The following CRISP2 variants were observed in gnomAD, a reference collection of about 807,000 sequenced individuals.
CRISP2 encodes the protein cysteine-rich secretory protein 2.
In CRISP2, 29 loss-of-function variants were observed where a neutral mutation model predicts 31.7. The ratio of observed to expected loss-of-function variants is 0.92; its 90% CI spans 0.68 to 1.25. The LOEUF is 1.25. Ranked by LOEUF, CRISP2 falls within the 50% of genes most tolerant of loss-of-function variation. CRISP2 has a pLI of 0.00. For missense variants in CRISP2, 318 were observed against 286.5 expected (o/e 1.11, Z -0.79); for synonymous variants, 111 against 101.4 (o/e 1.09, Z -0.57).
At chr6:49,690,318 G>A (rs374698787), downstream of CRISP2, among the ~76,000 whole-genome samples, 6 of 152,006 alleles carry the variant, frequency 3.9e-5, no homozygotes, top group East Asian at 1.9e-4. Context: ...GAGAAAGCAC[G>A]TTTTCATGAA....
At chr6:49,687,055 G>A in the CRISP2 span, among the ~76,000 whole-genome samples, 2 of 152,014 alleles carry the variant, frequency 1.3e-5, no homozygotes, top group African/African-American at 4.8e-5. Flanking sequence ...ATGGTTGTGG[G>A]ATGGGGGGAG....
At chr6:49,704,037 C>T (rs1766566685) in intron 4 of CRISP2, among the ~76,000 whole-genome samples, 3 of 152,140 alleles carry the variant, frequency 2.0e-5, no homozygotes, top group Admixed American at 2.0e-4. Flanking sequence ...TTCTTGGAGG[C>T]TTTGTTCATT....
chr6:49,684,516 C>T, the CRISP2 span, among the ~76,000 whole-genome samples: 3 of 152,120 alleles, frequency 2.0e-5, no homozygotes, highest in African/African-American at 7.2e-5. Flanking sequence ...AGCATGGCCC[C>T]TGGGATACAG....
chr6:49,707,205 C>T (rs1166991421), intron 4 of CRISP2, among the ~76,000 whole-genome samples: 2 of 151,998 alleles, frequency 1.3e-5, no homozygotes, highest in Admixed American at 6.6e-5. Context: ...GGTATCTATC[C>T]TTAAAGAGTT....
chr6:49,705,670 C>T (rs1766896538), intron 4 of CRISP2, among the ~76,000 whole-genome samples: 1 of 152,222 alleles, frequency 6.6e-6, no homozygotes, highest in African/African-American at 2.4e-5. Flanking sequence ...TCAGAAATGG[C>T]TTCCCTGGGC....
chr6:49,681,065 G>C, the CRISP2 span, among the ~76,000 whole-genome samples: 1 of 152,070 alleles, frequency 6.6e-6, no homozygotes, highest in African/African-American at 2.4e-5. Flanking sequence ...TGAAATCTTT[G>C]CCCATGCCTA....
downstream of CRISP2, among the ~76,000 whole-genome samples, chr6:49,687,532 T>A (rs1372487051): frequency 2.0e-5 from 3 of 152,176 alleles, no homozygotes; most frequent in Non-Finnish European, 4.4e-5. Flanking sequence ...TGAAATTCAG[T>A]GTTCTCGCAC....
chr6:49,713,751 A>C (rs900654316), upstream of CRISP2, among the ~76,000 whole-genome samples: 24 of 152,172 alleles, frequency 1.6e-4, no homozygotes, highest in Non-Finnish European at 7.3e-5. Context: ...GTTGATGAGG[A>C]AAGAAAATGT....
intron 1 of CRISP2, 121 bp downstream of exon 1, chr6:49,713,354 G>A (rs1243317516): frequency 6.6e-6 from 1 of 152,222 alleles, no homozygotes; most frequent in African/African-American, 2.4e-5. Context: ...GTGCCCTCCA[G>A]ATGCCGGAAG....
In CRISP2 at chr6:49,700,748, G is replaced by A; in HGVS notation, c.103C>T (p.Gln35Ter). 1 of 1,611,854 alleles carries A rather than the reference G, an allele frequency of 6.2e-7. No homozygotes were observed. Among genetic ancestry groups the A allele is most frequent in the Non-Finnish European group, 8.5e-7 (1 of 1,178,704 alleles). The change falls in exon 5 of 10, where the codon CAA becomes TAA. Residue 35 changes from glutamine to a stop codon, truncating the protein, a stop_gained. Coordinates refer to ENST00000339139, the MANE Select transcript of CRISP2 (RefSeq NM_003296.4). LOFTEE classifies it high-confidence loss of function. The stretch of plus-strand genomic sequence containing the variant: ...TTATTTACAATCTCCCTTTGCACTT[G>A]CAACTGGGTGGTTAACAAAGCAGTA... ...AFTALLTTQL[Q>*]VQREIVNKHN... is the part of the protein sequence containing the mutation.
the CRISP2 span, among the ~76,000 whole-genome samples, chr6:49,686,177 C>T: frequency 1.3e-5 from 2 of 152,268 alleles, no homozygotes; most frequent in South Asian, 2.1e-4. Context: ...ACTGAAGATA[C>T]GTCCATATCA....
chr6:49,708,598 G>C (rs1170423772), intron 4 of CRISP2, among the ~76,000 whole-genome samples: 3 of 152,146 alleles, frequency 2.0e-5, no homozygotes, highest in Non-Finnish European at 4.4e-5. Flanking sequence ...GAAAGGCATG[G>C]AACAGGTCCC....
At chr6:49,680,349 G>T in the CRISP2 span, among the ~76,000 whole-genome samples, 3 of 152,142 alleles carry the variant, frequency 2.0e-5, no homozygotes, top group Non-Finnish European at 4.4e-5. Context: ...TTTTATGGCT[G>T]CATAATATTC....
the CRISP2 span, among the ~76,000 whole-genome samples, chr6:49,684,161 C>T: frequency 6.6e-6 from 1 of 152,050 alleles, no homozygotes; most frequent in African/African-American, 2.4e-5. Context: ...CCCTCAGTAG[C>T]AATGGGGGAT....
chr6:49,688,357 T>C (rs561702433), downstream of CRISP2, among the ~76,000 whole-genome samples: 43 of 152,338 alleles, frequency 2.8e-4, no homozygotes, highest in Middle Eastern at 3.4e-3. Context: ...GATGTTTCTT[T>C]TTTATTTTTT....
At chr6:49,692,077 G>C (rs181209255), downstream of CRISP2, among the ~76,000 whole-genome samples, 12 of 151,860 alleles carry the variant, frequency 7.9e-5, no homozygotes, top group Non-Finnish European at 1.2e-4. Flanking sequence ...TCCTCTTTTC[G>C]TTGGCTTTAA....
At chr6:49,695,354 A>G (rs1764565455) in intron 9 of CRISP2, among the ~76,000 whole-genome samples, 3 of 152,208 alleles carry the variant, frequency 2.0e-5, no homozygotes, top group Admixed American at 6.5e-5. Context: ...AAACACTATG[A>G]TCCTAATTAT....
downstream of CRISP2, among the ~76,000 whole-genome samples, chr6:49,688,201 A>G (rs1448889793): frequency 6.6e-6 from 1 of 152,184 alleles, no homozygotes; most frequent in Admixed American, 6.5e-5. Flanking sequence ...TAACAAAACT[A>G]TGGTTCTGAA....
chr6:49,700,453 C>A (rs1454733573), intron 5 of CRISP2, among the ~76,000 whole-genome samples: 3 of 152,102 alleles, frequency 2.0e-5, no homozygotes, highest in Non-Finnish European at 4.4e-5. Context: ...TCCAATTATG[C>A]CTTCCAAATT....
Sources: allele counts gnomAD v4.1 joint callset (sites outside exome capture counted in the v4.1 genomes callset), GRCh38; gene constraint gnomAD v4.1.1; transcripts MANE v1.5; gene names NCBI Gene and HGNC (gene_info 2026-07-23, HGNC 2026-07-21).